Variants in ROBO2 observed in about 807,000 individuals in gnomAD.
The protein encoded by ROBO2 is roundabout guidance receptor 2.
A neutral mutation model predicts 160.8 loss-of-function variants in ROBO2; 53 were observed. That is an observed-to-expected ratio of 0.33 (90% CI 0.26 to 0.41). The LOEUF (loss-of-function observed/expected upper bound fraction) is 0.41, where lower values mean the gene tolerates loss of function less well. ROBO2 is among the 10% of genes least tolerant of loss of function. The pLI is 1.00. For synonymous variants in ROBO2, 664 were observed against 611.7 expected (o/e 1.09, Z -1.26); for missense variants, 1,577 against 1,722.4 (o/e 0.92, Z 1.49).
chr3:76,656,484 A>G (rs1430594991), intron 2 of ROBO2, among the ~76,000 whole-genome samples: 1 of 152,098 alleles, frequency 6.6e-6, no homozygotes, highest in Non-Finnish European at 1.5e-5. Flanking sequence ...GGCACTGCTC[A>G]TAAAGATCTG....
chr3:76,175,835 A>G (rs2073208605), intron 2 of ROBO2, among the ~76,000 whole-genome samples: 1 of 152,144 alleles, frequency 6.6e-6, no homozygotes. Context: ...GGAAAACATT[A>G]CTTTTCCCTC....
intron 2 of ROBO2, among the ~76,000 whole-genome samples, chr3:76,815,580 CTTT>C (rs1477596493): frequency 6.6e-6 from 1 of 151,830 alleles, no homozygotes; most frequent in Non-Finnish European, 1.5e-5. Context: ...CCATGTTCTT[CTTT>C]TTATCTTTTT....
chr3:76,230,662 C>T (rs1320644750), intron 2 of ROBO2, among the ~76,000 whole-genome samples: 3 of 149,994 alleles, frequency 2.0e-5, no homozygotes, highest in African/African-American at 4.9e-5. Flanking sequence ...GTTATTCAAT[C>T]GGTCACTGAA....
At chr3:76,921,398 G>A (rs1400066835) in intron 2 of ROBO2, among the ~76,000 whole-genome samples, 2 of 152,060 alleles carry the variant, frequency 1.3e-5, no homozygotes, top group African/African-American at 2.4e-5. Context: ...GATCGCTTGA[G>A]GTCAGCAGTT....
At chr3:77,218,961 G>A (rs913199578) in intron 2 of ROBO2, among the ~76,000 whole-genome samples, 1 of 151,964 alleles carries the variant, frequency 6.6e-6, no homozygotes, top group East Asian at 1.9e-4. Flanking sequence ...ATGTTTGATC[G>A]ATTTTTGTTT....
intron 2 of ROBO2, among the ~76,000 whole-genome samples, chr3:76,402,084 C>A (rs893667969): frequency 1.3e-5 from 2 of 151,530 alleles, no homozygotes; most frequent in African/African-American, 4.8e-5. Flanking sequence ...ATATACCTGA[C>A]CTCTGACTTA....
chr3:76,143,700 C>G (rs1392205392), intron 2 of ROBO2, among the ~76,000 whole-genome samples: 2 of 151,964 alleles, frequency 1.3e-5, no homozygotes, highest in African/African-American at 4.8e-5. Context: ...GAAACAGAAC[C>G]AATAATATAG....
intron 1 of ROBO2, among the ~76,000 whole-genome samples, chr3:77,083,633 G>A (rs751746041): frequency 1.2e-4 from 18 of 152,060 alleles, no homozygotes; most frequent in South Asian, 2.1e-4. Flanking sequence ...GAAATGAGAG[G>A]CAGTCAGTTC....
intron 2 of ROBO2, among the ~76,000 whole-genome samples, chr3:75,953,985 C>T (rs772823444): frequency 6.6e-6 from 1 of 151,758 alleles, no homozygotes; most frequent in Non-Finnish European, 1.5e-5. Context: ...TCTTCCCTTG[C>T]TGTTTCTCCA....
At chr3:76,661,354 T>C (rs1488784356) in intron 2 of ROBO2, among the ~76,000 whole-genome samples, 2 of 152,186 alleles carry the variant, frequency 1.3e-5, no homozygotes, top group Non-Finnish European at 2.9e-5. Context: ...TATAATGTTA[T>C]AAACCAAAAA....
chr3:76,313,491 C>T (rs898055634), intron 2 of ROBO2, among the ~76,000 whole-genome samples: 6 of 151,980 alleles, frequency 3.9e-5, no homozygotes, highest in African/African-American at 1.5e-4. Flanking sequence ...TGAAAGATAC[C>T]TTGCAGAGGT....
chr3:77,632,381 C>T (rs1461640446), intron 23 of ROBO2: 1 of 900,674 alleles, frequency 1.1e-6, no homozygotes, highest in Non-Finnish European at 1.6e-6. Context: ...AAGGAAGAAG[C>T]ATGGACAACT....
At chr3:77,307,039 C>G (rs912928072) in intron 2 of ROBO2, among the ~76,000 whole-genome samples, 3 of 152,132 alleles carry the variant, frequency 2.0e-5, no homozygotes, top group African/African-American at 7.2e-5. Flanking sequence ...TACCTTGTCA[C>G]CTTAAAATAT....
At chr3:76,038,450 T>C (rs985091670) in intron 2 of ROBO2, among the ~76,000 whole-genome samples, 8 of 151,932 alleles carry the variant, frequency 5.3e-5, no homozygotes, top group Admixed American at 1.3e-4. Flanking sequence ...GTATGATGGG[T>C]GCTGTGATTA....
At chr3:76,407,295 C>A (rs759923024) in intron 2 of ROBO2, among the ~76,000 whole-genome samples, 10 of 151,964 alleles carry the variant, frequency 6.6e-5, no homozygotes, top group Non-Finnish European at 1.0e-4. Context: ...TTCTGCATAG[C>A]AATTCCTGCT....
In ROBO2 at chr3:77,426,228, G is replaced by A. The variant is rs556832321; in HGVS notation, c.389-51186G>A. ...AATACTTGGGACATTGAGCTGTAAG[G>A]ACTCCAAGTGCCGGCTTCATGATGT... On this transcript the variant is annotated intron_variant, in intron 2 of 25. Transcript: ENST00000461745. Among the ~76,000 whole-genome samples, 3 of 152,200 alleles carry A rather than the reference G, an allele frequency of 2.0e-5. No homozygotes were observed. In the East Asian group the frequency reaches 5.8e-4, roughly 30 times the overall value.
chr3:76,366,198 C>G (rs1181121388), intron 2 of ROBO2, among the ~76,000 whole-genome samples: 2 of 152,072 alleles, frequency 1.3e-5, no homozygotes, highest in African/African-American at 2.4e-5. Flanking sequence ...GTCTCCTTTT[C>G]AGAGAGATTT....
rs185669460 is a variant in ROBO2 at position 76,930,383 on chromosome 3, C to T, written c.110-167631C>T. On this transcript the variant is annotated intron_variant, in intron 2 of 26. Coordinates refer to the ROBO2 transcript ENST00000487694. ...CTCCCTCAGACCTTTCCTCAAATGT[C>T]ATGGGTGAAGTCTCACCTGACTGTG... 1.7e-3 allele frequency among the ~76,000 whole-genome samples: 266 copies of T among 152,254 alleles called. 1 individual carries two copies. Among genetic ancestry groups the T allele is most frequent in the African/African-American group, 6.2e-3 (256 of 41,540 alleles).
chr3:77,645,018 ACAAT>A (rs772832868), intron 25 of ROBO2, 114 bp downstream of exon 27: 1 of 1,083,242 alleles, frequency 9.2e-7, no homozygotes, highest in Non-Finnish European at 1.4e-6. Context: ...TGTTACAAAA[ACAAT>A]CAATTGCAAT....
Sources: allele counts gnomAD v4.1 joint callset (sites outside exome capture counted in the v4.1 genomes callset), GRCh38; gene constraint gnomAD v4.1.1; transcripts MANE v1.5; gene names NCBI Gene and HGNC (gene_info 2026-07-23, HGNC 2026-07-21).